Variants in ANKMY1 observed in about 807,000 individuals in gnomAD.
ANKMY1 encodes the protein ankyrin repeat and MYND domain-containing protein 1.
A neutral mutation model predicts 102.0 loss-of-function variants in ANKMY1; 98 were observed. That is an observed-to-expected ratio of 0.96 (90% CI 0.82 to 1.14). The LOEUF (loss-of-function observed/expected upper bound fraction) is 1.14, where lower values mean the gene tolerates loss of function less well. ANKMY1 is among the 50% of genes most tolerant of loss of function. The pLI is 0.00. For synonymous variants in ANKMY1, 582 were observed against 559.9 expected, an observed-to-expected ratio of 1.04 and a Z score of -0.56; for missense variants, 1,330 against 1,347.6, an observed-to-expected ratio of 0.99 and a Z score of 0.20.
chr2:240,472,040 A>T, the ANKMY1 span, among the ~76,000 whole-genome samples: 1 of 152,206 alleles, frequency 6.6e-6, no homozygotes, highest in African/African-American at 2.4e-5. Context: ...GTCTGAAAGC[A>T]GTCCTGCCTT....
rs757775323 is a variant in ANKMY1 at position 240,507,556 on chromosome 2, T to C, written c.2526+4A>G. The stretch of plus-strand genomic sequence containing the variant: ...CAGGGCCACCCCAGCCTCCTGCCCC[T>C]CACCAGGGCCAGCTTGCTGTCCATG... On this transcript the variant is annotated splice_donor_region_variant and intron_variant, in intron 13 of 17. Transcript: ENST00000401804. 6.3e-6 allele frequency: 10 copies of C among 1,586,154 alleles called. No homozygotes were observed. The highest frequency in any genetic ancestry group is 1.7e-5 in the Admixed American group (1 of 58,224).
In ANKMY1 at chr2:240,529,378, G is replaced by A. The variant is rs1041664827; in HGVS notation, c.612C>T (p.Leu204=). The change falls in exon 5 of 18, where the codon CTC becomes CTT. Residue 204 remains leucine (L), a synonymous_variant. Coordinates refer to ENST00000401804, the MANE Select transcript of ANKMY1 (RefSeq NM_001282771.3). This position sits in a 1 kb window ranked among gnomAD's most constrained non-coding sequence, Gnocchi z 4.2. ...AGCTGGAGAACTCAGGGTATCTGAG[G>A]AGGGAGAAGCCACTGGGGATCTGGG... ...LCTQIPSGFS[L]LRYPEFSSFI... is the part of the protein sequence containing the mutation. The A allele has an allele frequency of 3.1e-6, 5 of 1,614,054 alleles. No individual in the cohort carries two copies. Among genetic ancestry groups the A allele is most frequent in the Middle Eastern group, 1.6e-4 (1 of 6,084 alleles).
At chr2:240,528,704 T>G (rs1427982524) in intron 5 of ANKMY1, among the ~76,000 whole-genome samples, 10 of 152,058 alleles carry the variant, frequency 6.6e-5, no homozygotes, top group Non-Finnish European at 1.5e-4. Context: ...CCCACCAGGT[T>G]CTACACCAGC....
Position 240,525,866 on chromosome 2 carries a change from C to A in ANKMY1, c.1171-17G>T, listed in dbSNP as rs1189564566. On this transcript the variant is annotated splice_polypyrimidine_tract_variant and intron_variant, in intron 6 of 17. Coordinates refer to ENST00000401804, the MANE Select transcript of ANKMY1 (RefSeq NM_001282771.3). ...GCAGTGAGTCTGGAGGGAGATGAGGCAGGACTCAGGATGATGCACCTGGCC... is the reference window on the plus strand; with the variant it reads ...GCAGTGAGTCTGGAGGGAGATGAGGAAGGACTCAGGATGATGCACCTGGCC... The A allele has an allele frequency of 6.2e-7, 1 of 1,612,004 alleles. No individual in the cohort carries two copies. The highest frequency in any genetic ancestry group is 1.1e-5 in the South Asian group (1 of 90,896).
intron 4 of ANKMY1, among the ~76,000 whole-genome samples, chr2:240,533,815 T>C (rs542272521): frequency 6.6e-6 from 1 of 151,322 alleles, no homozygotes; most frequent in East Asian, 1.9e-4. Flanking sequence ...AATGAAGAAA[T>C]ATCTAAAACA....
chr2:240,473,912 C>T, the ANKMY1 span, among the ~76,000 whole-genome samples: 4 of 152,166 alleles, frequency 2.6e-5, no homozygotes, highest in African/African-American at 9.7e-5. Context: ...TAACATTACA[C>T]TCAATAGTGA....
Position 240,524,372 on chromosome 2 carries a change from T to G in ANKMY1, c.1345A>C (p.Lys449Gln). ...RTIPEPQEPP[K>Q]FPVVPILSSS... ...GAAAGGATTGGAACAACTGGGAATT[T>G]TGGAGGTTCCTTTGGAAAGAACCAA... Residue 449 changes from lysine (K) to glutamine (Q), a missense_variant, in exon 8 of 18, where the codon AAA becomes CAA. Physicochemically the swap from Lys to Gln is moderately conservative, Grantham distance 53. Coordinates refer to ENST00000401804, the MANE Select transcript of ANKMY1 (RefSeq NM_001282771.3). 1.3e-6 allele frequency: 2 copies of G among 1,591,658 alleles called. No homozygotes were observed. The highest frequency in any genetic ancestry group is 1.7e-6 in the Non-Finnish European group (2 of 1,167,078).
chr2:240,550,947 C>T (rs1404256052), intron 4 of ANKMY1, among the ~76,000 whole-genome samples: 1 of 152,152 alleles, frequency 6.6e-6, no homozygotes, highest in Non-Finnish European at 1.5e-5. Context: ...CCGTCCAGGG[C>T]TTGCTTCTTT....
chr2:240,479,963 G>A (rs2075167074), intron 17 of ANKMY1, among the ~76,000 whole-genome samples: 1 of 152,184 alleles, frequency 6.6e-6, no homozygotes, highest in African/African-American at 2.4e-5. Flanking sequence ...TGTAATCCCA[G>A]CACTTTGGGA....
chr2:240,546,520 T>C (rs1215692514), intron 4 of ANKMY1, among the ~76,000 whole-genome samples: 2 of 152,112 alleles, frequency 1.3e-5, no homozygotes, highest in African/African-American at 4.8e-5. Context: ...ATATTAACTT[T>C]AAATGTAAAT....
chr2:240,560,720 C>T, upstream of ANKMY1: 3 of 1,525,698 alleles, frequency 2.0e-6, no homozygotes, highest in Non-Finnish European at 2.6e-6. Flanking sequence ...GCGGGGCCGC[C>T]TCGCCCGTAC....
chr2:240,507,755 C>G, intron 12 of ANKMY1, 64 bp from the exon 13 acceptor site: 1 of 1,521,892 alleles, frequency 6.6e-7, no homozygotes, highest in Non-Finnish European at 8.9e-7. Flanking sequence ...GAGGGGAAGG[C>G]CCCAGGGCTG....
chr2:240,543,100 A>T (rs1002035559), intron 4 of ANKMY1, among the ~76,000 whole-genome samples: 1 of 152,214 alleles, frequency 6.6e-6, no homozygotes, highest in East Asian at 1.9e-4. Context: ...CTGTAATCCC[A>T]GCAATTTGGG....
chr2:240,490,454 G>A, intron 15 of ANKMY1, among the ~76,000 whole-genome samples: 1 of 152,086 alleles, frequency 6.6e-6, no homozygotes, highest in East Asian at 1.9e-4. Flanking sequence ...ACAGGTTTTG[G>A]TATATTGTGC....
rs377463497 is a variant in ANKMY1, at chr2:240,480,977, G to C, written c.3006C>G (p.Thr1002=). The C allele has an allele frequency of 9.9e-6, 16 of 1,613,076 alleles. 1 individual carries two copies. The South Asian group carries it at 1.6e-4, about 17-fold the overall frequency. The change falls in exon 17 of 18, where the codon ACC becomes ACG. Residue 1002 remains threonine, a synonymous_variant. Coordinates refer to ENST00000401804, the MANE Select transcript of ANKMY1 (RefSeq NM_001282771.3). ...CCCCGCAGTCCTTCTTGTGGAACTCGGTCCAGGCCTTGGTCTTGCAGTACT... is the reference window on the plus strand; with the variant it reads ...CCCCGCAGTCCTTCTTGTGGAACTCCGTCCAGGCCTTGGTCTTGCAGTACT... ...CSKYCKTKAW[T]EFHKKDCGDL... is the part of the protein sequence containing the mutation.
At chr2:240,478,918 TGTC>T (rs2075045425), downstream of ANKMY1, among the ~76,000 whole-genome samples, 1 of 152,088 alleles carries the variant, frequency 6.6e-6, no homozygotes, top group African/African-American at 2.4e-5. Context: ...CCGGGGATGC[TGTC>T]GTCCTTCTCC....
In ANKMY1 at chr2:240,520,279, G is replaced by T; in HGVS notation, c.2004+83C>A. On this transcript the variant is annotated intron_variant, in intron 9 of 17. Coordinates refer to ENST00000401804, the MANE Select transcript of ANKMY1 (RefSeq NM_001282771.3). This position sits in a 1 kb window ranked among gnomAD's most constrained non-coding sequence, Gnocchi z 4.8. ...GCAAGAGCCCACCCCTCTCTTCCGC[G>T]CCTAGGTGGAGCGAGGAGCTTCCCG... The T allele has an allele frequency of 1.3e-6, 2 of 1,487,066 alleles. No individual in the cohort carries two copies. The highest frequency in any genetic ancestry group is 1.8e-6 in the Non-Finnish European group (2 of 1,109,028). The allele number at this position is 1,487,066 out of a possible 1,614,324, so 92.1% of individuals were successfully genotyped here.
intron 2 of ANKMY1, 52 bp downstream of exon 2, chr2:240,557,138 A>G: frequency 4.3e-6 from 6 of 1,398,662 alleles, no homozygotes; most frequent in Non-Finnish European, 5.6e-6. Context: ...ATCCCGGCTA[A>G]CCCTGGGCCC....
chr2:240,510,011 C>T (rs1285549934), intron 11 of ANKMY1, among the ~76,000 whole-genome samples: 1 of 145,730 alleles, frequency 6.9e-6, no homozygotes, highest in Admixed American at 6.8e-5. Context: ...CCTCCCTGTC[C>T]TCCTCCCCCG....
Sources: allele counts gnomAD v4.1 joint callset (sites outside exome capture counted in the v4.1 genomes callset), GRCh38; gene constraint gnomAD v4.1.1; non-coding constraint Gnocchi (gnomAD v3.1); transcripts MANE v1.5; gene names NCBI Gene and HGNC (gene_info 2026-07-23, HGNC 2026-07-21).